The following SYNE1 variants were observed in gnomAD, a reference collection of about 807,000 sequenced individuals.
The protein encoded by SYNE1 is nesprin-1.
In SYNE1, 616 loss-of-function variants were observed where a neutral mutation model predicts 1,111.0. The ratio of observed to expected loss-of-function variants is 0.55; its 90% confidence interval spans 0.52 to 0.59. SYNE1 has a LOEUF of 0.59. Ranked by LOEUF, SYNE1 falls within the 20% of genes least tolerant of loss-of-function variation. The pLI, the probability that SYNE1 is intolerant of heterozygous loss-of-function variation, is 0.00. For synonymous variants in SYNE1, 3,855 were observed against 3,825.8 expected, an observed-to-expected ratio of 1.01 and a Z score of -0.28; for missense variants, 10,006 against 10,417.0, an observed-to-expected ratio of 0.96 and a Z score of 1.72.
intron 128 of SYNE1, among the ~76,000 whole-genome samples, chr6:152,184,665 T>C (rs2069237651): frequency 6.7e-6 from 1 of 150,046 alleles, no homozygotes; most frequent in Non-Finnish European, 1.5e-5. Context: ...GATAGATAGA[T>C]AGATAGATAG....
chr6:152,596,954 G>A (rs1195394897), intron 3 of SYNE1, among the ~76,000 whole-genome samples: 1 of 152,170 alleles, frequency 6.6e-6, no homozygotes, highest in East Asian at 1.9e-4. Context: ...GAACATGAGG[G>A]CCTCCATATG....
rs569147802 is a variant in SYNE1, at chr6:152,376,292, C to T, written c.9324+89G>A. On this transcript the variant is annotated intron_variant, in intron 58 of 145. Coordinates refer to ENST00000367255, the MANE Select transcript of SYNE1 (RefSeq NM_182961.4). ...AACAGGCCAGGGACCTGTACCAGTC[C>T]GCGGCCCAGGAGATGGGGACCCTTG... The T allele has an allele frequency of 6.2e-5, 90 of 1,442,164 alleles. 1 individual carries two copies. The highest frequency in any genetic ancestry group is 1.3e-4 in the South Asian group (11 of 86,410). 89.3% of individuals were successfully genotyped at this position (1,442,164 alleles called of 1,614,324 possible).
chr6:152,252,077 T>C (rs968093494), intron 104 of SYNE1, among the ~76,000 whole-genome samples: 1 of 152,042 alleles, frequency 6.6e-6, no homozygotes, highest in Non-Finnish European at 1.5e-5. Context: ...CGAGACCAGC[T>C]TGGCCAACAT....
rs2058462730 is a variant in SYNE1 at position 152,141,148 on chromosome 6, AG to A, written c.25246+54del. ...CTAAGTGGAATTTCGCTGTTAACAA[AG>A]TGCTTCAGGATCTTCTATTTCATTC... On this transcript the variant is annotated intron_variant, in intron 139 of 145. Coordinates refer to ENST00000367255, the MANE Select transcript of SYNE1 (RefSeq NM_182961.4). 7 of 1,613,116 alleles carry A rather than the reference AG, an allele frequency of 4.3e-6. No individual in the cohort carries two copies. The South Asian group carries it at 7.7e-5, about 18-fold the overall frequency.
At chr6:152,341,889 A>G (rs1396310439) in intron 74 of SYNE1, among the ~76,000 whole-genome samples, 1 of 152,234 alleles carries the variant, frequency 6.6e-6, no homozygotes, top group African/African-American at 2.4e-5. Context: ...TTTTGCTTAC[A>G]GTTTCAGTTT....
At chr6:152,347,806 G>A (rs190572340) in intron 72 of SYNE1, among the ~76,000 whole-genome samples, 1 of 149,836 alleles carries the variant, frequency 6.7e-6, no homozygotes, top group East Asian at 2.0e-4. Flanking sequence ...TCAGCCTCCT[G>A]AGTAGGTGGG....
At chr6:152,176,068 G>A (rs1320096596) in intron 130 of SYNE1, among the ~76,000 whole-genome samples, 1 of 150,562 alleles carries the variant, frequency 6.6e-6, no homozygotes, top group African/African-American at 2.4e-5. Context: ...ACAAATACTG[G>A]TCAGCAGTTT....
In SYNE1 at chr6:152,369,044, A is replaced by G. The variant is rs1221375300; in HGVS notation, c.9735T>C (p.Ala3245=). ...EKAQQLWEGQ[A]ASKSFRHRVS... is the part of the protein sequence containing the mutation. ...CTCTGTGCCTAAAGCTCTTGCTGGC[A>G]GCTTGTCCTTCCCACAGCTGCTGAG... is the stretch of plus-strand genomic sequence containing the variant. Residue 3245 remains alanine (A), a synonymous_variant, in exon 61 of 146, where the codon GCT becomes GCC. Coordinates refer to ENST00000367255, the MANE Select transcript of SYNE1 (RefSeq NM_182961.4). The G allele has an allele frequency of 6.2e-7, 1 of 1,614,250 alleles. No individual in the cohort carries two copies. Among genetic ancestry groups the G allele is most frequent in the Non-Finnish European group, 8.5e-7 (1 of 1,180,048 alleles).
In SYNE1 at chr6:152,399,704, A is replaced by C. The variant is rs760829444; in HGVS notation, c.7149T>G (p.Thr2383=). The C allele has an allele frequency of 1.3e-5, 21 of 1,614,016 alleles. No individual in the cohort carries two copies. Among genetic ancestry groups the C allele is most frequent in the African/African-American group, 2.7e-5 (2 of 74,914 alleles). ...CGGCTTCATGTTTCTTTATCAGACC[A>C]GTCATTGCACGGCCCAGGCTCTCCA... ...AELESLGRAM[T]GLIKKHEAVS... The change falls in exon 48 of 146, where the codon ACT becomes ACG. Residue 2383 remains threonine, a synonymous_variant. Coordinates refer to ENST00000367255, the MANE Select transcript of SYNE1 (RefSeq NM_182961.4).
intron 104 of SYNE1, among the ~76,000 whole-genome samples, chr6:152,251,767 T>A (rs1156390781): frequency 1.3e-5 from 2 of 151,830 alleles, no homozygotes; most frequent in Admixed American, 6.6e-5. Flanking sequence ...TCAAAAAAAA[T>A]AAAAATAAAT....
Position 152,461,722 on chromosome 6 carries a change from G to T in SYNE1, c.2269C>A (p.Pro757Thr). Reference sequence around the variant, plus strand: ...ATCTTGTATTGGGCATCCATCACAGGCACCCTCTGCTCAATATCCTGCATG... The same window carrying T: ...ATCTTGTATTGGGCATCCATCACAGTCACCCTCTGCTCAATATCCTGCATG... The part of the protein sequence containing the change: ...QDLEDIEQRV[P>T]VMDAQYKIIT... The change falls in exon 21 of 146, where the codon CCT (proline) becomes ACT (threonine). Residue 757 changes from proline to threonine, a missense_variant. Transcript: ENST00000367255. 4 of 1,613,908 alleles carry T rather than the reference G, an allele frequency of 2.5e-6. No individual in the cohort carries two copies. Among genetic ancestry groups the T allele is most frequent in the Non-Finnish European group, 3.4e-6 (4 of 1,179,928 alleles).
At chr6:152,573,320 T>C (rs1457200701) in intron 3 of SYNE1, among the ~76,000 whole-genome samples, 1 of 108,628 alleles carries the variant, frequency 9.2e-6, no homozygotes, top group African/African-American at 3.8e-5. Flanking sequence ...CTCCTAATGC[T>C]ATCCCCCCCC....
intron 109 of SYNE1, 50 bp downstream of exon 109, chr6:152,236,767 A>G: frequency 2.5e-6 from 4 of 1,609,668 alleles, no homozygotes; most frequent in Non-Finnish European, 3.4e-6. Context: ...ACATTCTGTT[A>G]AAACTATTGG....
At chr6:152,500,013 C>G (rs1014976446) in intron 10 of SYNE1, among the ~76,000 whole-genome samples, 1 of 152,102 alleles carries the variant, frequency 6.6e-6, no homozygotes, top group Non-Finnish European at 1.5e-5. Flanking sequence ...TTAACTAAAG[C>G]ATCTCCTTTT....
intron 2 of SYNE1, among the ~76,000 whole-genome samples, chr6:152,630,024 GA>G (rs1384122235): frequency 6.6e-6 from 1 of 151,862 alleles, no homozygotes; most frequent in African/African-American, 2.4e-5. Context: ...GTGCAATTAT[GA>G]ATTACAATTT....
rs750421362 is a variant in SYNE1, at chr6:152,151,947, C to T, written c.24312+12G>A. ...TCTGGCCTCTAAATTACAGATGAGG[C>T]ATAGCAAAAACCTTGAGTCTGCGCA... On this transcript the variant is annotated intron_variant, in intron 134 of 145. Coordinates refer to ENST00000367255, the MANE Select transcript of SYNE1 (RefSeq NM_182961.4). The T allele has an allele frequency of 5.6e-6, 9 of 1,613,998 alleles. No homozygotes were observed. In the East Asian group the frequency reaches 1.6e-4, roughly 28 times the overall value.
intron 3 of SYNE1, among the ~76,000 whole-genome samples, chr6:152,610,790 G>C (rs569002542): frequency 5.4e-4 from 82 of 152,190 alleles, no homozygotes; most frequent in Non-Finnish European, 9.7e-4. Context: ...ACTAACAGTG[G>C]ATCTCTCAGC....
At chr6:152,265,325 T>C (rs1330573165) in intron 100 of SYNE1, among the ~76,000 whole-genome samples, 1 of 152,018 alleles carries the variant, frequency 6.6e-6, no homozygotes, top group Non-Finnish European at 1.5e-5. Context: ...AAAATACTAT[T>C]AAACAGTTAA....
intron 129 of SYNE1, 141 bp from the exon 130 acceptor site, chr6:152,176,701 C>A (rs1445208515): frequency 3.5e-6 from 3 of 847,376 alleles, no homozygotes; most frequent in Non-Finnish European, 5.8e-6. Context: ...GATATCAGCC[C>A]ATGTGCACAA....
Sources: gnomAD v4.1 joint callset for allele counts (sites outside exome capture counted in the v4.1 genomes callset) on GRCh38, gnomAD v4.1.1 for gene constraint, MANE v1.5 for transcripts, NCBI Gene and HGNC (gene_info 2026-07-23, HGNC 2026-07-21) for gene names.